SDK1: variants seen among roughly 807,000 people sequenced by gnomAD.
SDK1 encodes sidekick cell adhesion molecule 1.
SDK1 carries 157 observed loss-of-function variants against 245.5 expected under a neutral mutation model. The ratio of observed to expected loss-of-function variants is 0.64; its 90% CI spans 0.56 to 0.73. The LOEUF is 0.73. SDK1 is among the 30% of genes least tolerant of loss of function. The pLI is 0.00. For missense variants in SDK1, 3,583 were observed against 3,002.3 expected, an observed-to-expected ratio of 1.19 and a Z score of -4.52; for synonymous variants, 1,647 against 1,278.5, an observed-to-expected ratio of 1.29 and a Z score of -6.15.
intron 22 of SDK1, among the ~76,000 whole-genome samples, chr7:4,085,888 T>G (rs1417323267): frequency 6.6e-6 from 1 of 152,182 alleles, no homozygotes; most frequent in Non-Finnish European, 1.5e-5. Context: ...TGGAGGATTT[T>G]AAACTAATTC....
Position 3,325,883 on chromosome 7 carries a change from C to G in SDK1, c.298+23999C>G, listed in dbSNP as rs182720226. 4.0e-5 allele frequency among the ~76,000 whole-genome samples: 6 copies of G among 150,636 alleles called. No homozygotes were observed. In the South Asian group the frequency reaches 6.4e-4, roughly 16 times the overall value. ...AGTGGCATGCTTTTAGAAACCATGA[C>G]TAGGCTGCCTGAATCAAACATCCTC... On this transcript the variant is annotated intron_variant, in intron 1 of 44. Transcript: ENST00000404826.
At chr7:3,733,428 A>G (rs1299728636) in intron 4 of SDK1, among the ~76,000 whole-genome samples, 1 of 152,204 alleles carries the variant, frequency 6.6e-6, no homozygotes, top group Non-Finnish European at 1.5e-5. Context: ...TACAGATAAT[A>G]AGAATGCTGT....
intron 5 of SDK1, among the ~76,000 whole-genome samples, chr7:3,849,028 C>T (rs946667744): frequency 1.2e-4 from 18 of 152,188 alleles, no homozygotes; most frequent in African/African-American, 2.9e-4. Flanking sequence ...TGAGGCCCAG[C>T]GCATCAGATC....
chr7:3,918,761 G>A (rs1583563262), intron 5 of SDK1, among the ~76,000 whole-genome samples: 1 of 152,106 alleles, frequency 6.6e-6, no homozygotes. Flanking sequence ...TGCCACTCAG[G>A]TCTCTGCAGG....
At chr7:3,335,601 A>G (rs1780180441) in intron 1 of SDK1, among the ~76,000 whole-genome samples, 1 of 152,210 alleles carries the variant, frequency 6.6e-6, no homozygotes, top group Non-Finnish European at 1.5e-5. Flanking sequence ...ATTGAAGGAT[A>G]AGAGGGTCTT....
At chr7:4,039,106 A>C (rs1788417643) in intron 17 of SDK1, among the ~76,000 whole-genome samples, 1 of 150,654 alleles carries the variant, frequency 6.6e-6, no homozygotes, top group Non-Finnish European at 1.5e-5. Context: ...GAACAATGAG[A>C]ACACATGGAC....
chr7:3,480,814 G>C (rs1394196860), intron 1 of SDK1, among the ~76,000 whole-genome samples: 1 of 152,174 alleles, frequency 6.6e-6, no homozygotes, highest in Admixed American at 6.5e-5. Context: ...TGAGGAAATG[G>C]ATTCATCTCT....
At chr7:3,778,829 A>G (rs776754210) in intron 4 of SDK1, among the ~76,000 whole-genome samples, 6 of 152,232 alleles carry the variant, frequency 3.9e-5, no homozygotes, top group Admixed American at 1.3e-4. Context: ...AAGTGCTTCA[A>G]TGATTACAAA....
At chr7:3,606,176 C>T (rs1583219153) in intron 1 of SDK1, among the ~76,000 whole-genome samples, 2 of 152,164 alleles carry the variant, frequency 1.3e-5, no homozygotes, top group South Asian at 4.2e-4. Flanking sequence ...ATGACAACTA[C>T]ATCTTTCTGG....
rs561329481 is a variant in SDK1, at chr7:3,502,223, AT to A, written c.299-116848del. On this transcript the variant is annotated intron_variant, in intron 1 of 44. Coordinates refer to ENST00000404826, the MANE Select transcript of SDK1 (RefSeq NM_152744.4). Reference sequence around the variant, plus strand: ...TCTTTTTTTTCAAAATGTTTCAAAGATTTTTTTTTAATTAATTAATTAATTT... The same window carrying A: ...TCTTTTTTTTCAAAATGTTTCAAAGATTTTTTTTAATTAATTAATTAATTT... 4.9e-3 allele frequency among the ~76,000 whole-genome samples: 740 copies of A among 151,098 alleles called. 7 individuals are homozygous for A. Among genetic ancestry groups the A allele is most frequent in the African/African-American group, 0.016 (643 of 41,026 alleles).
chr7:3,942,414 C>T (rs771545888), intron 5 of SDK1, among the ~76,000 whole-genome samples: 1 of 152,220 alleles, frequency 6.6e-6, no homozygotes, highest in Non-Finnish European at 1.5e-5. Flanking sequence ...TTCATCTTCT[C>T]TCCAGATAAC....
chr7:4,046,059 G>T (rs1290021614), intron 17 of SDK1, among the ~76,000 whole-genome samples: 1 of 151,696 alleles, frequency 6.6e-6, no homozygotes, highest in Non-Finnish European at 1.5e-5. Context: ...CTCCCGAGTA[G>T]CAGGGACTAC....
chr7:3,556,963 C>T (rs1779607298), intron 1 of SDK1, among the ~76,000 whole-genome samples: 1 of 151,912 alleles, frequency 6.6e-6, no homozygotes, highest in Admixed American at 6.6e-5. Flanking sequence ...TAAATATTTA[C>T]ACATACTGTA....
intron 19 of SDK1, among the ~76,000 whole-genome samples, chr7:4,066,824 G>C (rs577787778): frequency 1.2e-3 from 184 of 152,350 alleles, no homozygotes; most frequent in African/African-American, 4.3e-3. Flanking sequence ...CAGGCAGGTG[G>C]TCCATCTGCA....
chr7:3,598,815 T>C lies in SDK1; in HGVS notation c.299-20265T>C, dbSNP rs377234653. ...TAGTTTGTTCCATTTTATTAGTGAG[T>C]AGTAAACCGTGGTGTGGACATATAA... is the stretch of plus-strand genomic sequence containing the variant. On this transcript the variant is annotated intron_variant, in intron 1 of 44. Transcript: ENST00000404826. Among the ~76,000 whole-genome samples, 3 of 152,300 alleles carry C rather than the reference T, an allele frequency of 2.0e-5. No homozygotes were observed. In the East Asian group the frequency reaches 5.8e-4, roughly 29 times the overall value.
intron 20 of SDK1, among the ~76,000 whole-genome samples, chr7:4,071,006 C>T (rs1780224179): frequency 6.6e-6 from 1 of 151,648 alleles, no homozygotes; most frequent in Non-Finnish European, 1.5e-5. Flanking sequence ...TATAGCTGGA[C>T]TTTGTGGGGT....
chr7:3,444,770 C>T lies in SDK1; in HGVS notation c.298+142886C>T, dbSNP rs1206756270. The stretch of plus-strand genomic sequence containing the variant: ...CAACTTGGCTAATGTCCAGTTTTAT[C>T]TAAAGTGATGTTCCCTGTTTGCACA... On this transcript the variant is annotated intron_variant, in intron 1 of 44. Transcript: ENST00000404826. Among the ~76,000 whole-genome samples the T allele has an allele frequency of 2.0e-5, 3 of 152,194 alleles. No homozygotes were observed. In the South Asian group the frequency reaches 6.2e-4, roughly 32 times the overall value.
chr7:3,909,774 G>A (rs923130637), intron 5 of SDK1, among the ~76,000 whole-genome samples: 1 of 152,198 alleles, frequency 6.6e-6, no homozygotes, highest in Non-Finnish European at 1.5e-5. Flanking sequence ...ATGGTCGATG[G>A]CTTTATCTTT....
At chr7:3,791,048 G>C (rs1433693871) in intron 4 of SDK1, among the ~76,000 whole-genome samples, 2 of 151,840 alleles carry the variant, frequency 1.3e-5, no homozygotes, top group Non-Finnish European at 2.9e-5. Context: ...CGGTAAATTG[G>C]GTCTAACAGC....
Sources: gnomAD v4.1 joint callset for allele counts (sites outside exome capture counted in the v4.1 genomes callset) on GRCh38, gnomAD v4.1.1 for gene constraint, MANE v1.5 for transcripts, NCBI Gene and HGNC (gene_info 2026-07-23, HGNC 2026-07-21) for gene names.